ZFAT: variants seen among roughly 807,000 people sequenced by gnomAD.
ZFAT encodes the protein zinc finger protein ZFAT.
A neutral mutation model predicts 117.7 loss-of-function variants in ZFAT; 64 were observed. The ratio of observed to expected loss-of-function variants is 0.54; its 90% confidence interval spans 0.44 to 0.67. The LOEUF (loss-of-function observed/expected upper bound fraction) is 0.67. ZFAT is among the 30% of genes least tolerant of loss of function. ZFAT has a pLI of 0.00. For synonymous variants in ZFAT, 679 were observed against 615.0 expected, an observed-to-expected ratio of 1.10 and a Z score of -1.54; for missense variants, 1,433 against 1,584.5, an observed-to-expected ratio of 0.90 and a Z score of 1.62.
chr8:134,563,473 G>A (rs557974592), intron 11 of ZFAT, among the ~76,000 whole-genome samples: 2 of 152,310 alleles, frequency 1.3e-5, no homozygotes, highest in African/African-American at 4.8e-5. Context: ...AACTACAAGA[G>A]GGGGAACCAT....
chr8:134,644,036 A>G (rs1797271576), intron 2 of ZFAT, among the ~76,000 whole-genome samples: 1 of 152,212 alleles, frequency 6.6e-6, no homozygotes, highest in Admixed American at 6.5e-5. Flanking sequence ...TCCCCTGGGA[A>G]GCCTCCTTTT....
At chr8:134,610,046 GA>G (rs1828204330) in intron 4 of ZFAT, among the ~76,000 whole-genome samples, 1 of 152,230 alleles carries the variant, frequency 6.6e-6, no homozygotes, top group Admixed American at 6.5e-5. Flanking sequence ...ATGGTGGGCA[GA>G]GTTAGCATGG....
At chr8:134,817,373 ATCTC>A in the ZFAT span, among the ~76,000 whole-genome samples, 10 of 129,620 alleles carry the variant, frequency 7.7e-5, no homozygotes, top group East Asian at 2.1e-4. Context: ...CTTAAAATCA[ATCTC>A]TCTGTCTCTC....
chr8:134,539,292 A>G (rs940935589), intron 11 of ZFAT, among the ~76,000 whole-genome samples: 12 of 152,216 alleles, frequency 7.9e-5, no homozygotes, highest in Non-Finnish European at 1.8e-4. Flanking sequence ...GCTTTTTGGC[A>G]AAAAGAGGAG....
rs780619281 is a variant in ZFAT, at chr8:134,478,688, C to T, written c.3526G>A (p.Val1176Ile). 1.9e-6 allele frequency: 3 copies of T among 1,578,022 alleles called. No homozygotes were observed. The African/African-American group carries it at 4.1e-5, about 21-fold the overall frequency. Reference sequence around the variant, plus strand: ...TGCTGGACCGTCTCCTGGATCATGACCGTGTGGTTGGAGCTGGGCTCCTCC... The same window carrying T: ...TGCTGGACCGTCTCCTGGATCATGATCGTGTGGTTGGAGCTGGGCTCCTCC... Reference protein sequence around the residue: ...TEEEPSSNHTVMIQETVQQAS... With the variant: ...TEEEPSSNHTIMIQETVQQAS... The change falls in exon 16 of 16, where the codon GTC becomes ATC. Residue 1176 changes from valine to isoleucine, a missense_variant. By Grantham distance (29) the Val-to-Ile change is conservative. Around this residue, in one of 5 missense-constraint regions of ZFAT, gnomAD observed 503 missense variants for 543.4 expected, o/e 0.93. Coordinates refer to ENST00000377838, the MANE Select transcript of ZFAT (RefSeq NM_020863.4). The surrounding 1 kb of genome is among the most constrained non-coding windows in gnomAD (Gnocchi z 5.2).
upstream of ZFAT, among the ~76,000 whole-genome samples, chr8:134,715,609 A>T (rs1020812035): frequency 6.6e-6 from 1 of 152,232 alleles, no homozygotes; most frequent in Non-Finnish European, 1.5e-5. Context: ...ATTAATGAAG[A>T]CACATTTGTG....
chr8:134,815,419 C>T, the ZFAT span, among the ~76,000 whole-genome samples: 1 of 152,146 alleles, frequency 6.6e-6, no homozygotes, highest in Non-Finnish European at 1.5e-5. Context: ...AACTAGAAAT[C>T]CAAGTTGCTA....
chr8:134,611,792 G>A (rs1828347799), intron 3 of ZFAT, among the ~76,000 whole-genome samples: 1 of 152,234 alleles, frequency 6.6e-6, no homozygotes, highest in Non-Finnish European at 1.5e-5. Flanking sequence ...GCCATGGAGA[G>A]CCACAGGTGT....
At chr8:134,591,166 T>C (rs1826477310) in intron 7 of ZFAT, among the ~76,000 whole-genome samples, 1 of 152,214 alleles carries the variant, frequency 6.6e-6, no homozygotes. Flanking sequence ...AGTGATTTTA[T>C]TGAGACTCAC....
At chr8:134,810,764 A>C in the ZFAT span, among the ~76,000 whole-genome samples, 1 of 152,260 alleles carries the variant, frequency 6.6e-6, no homozygotes, top group East Asian at 1.9e-4. Context: ...AAACATTTGA[A>C]AACAGTAATG....
chr8:134,786,344 C>T, the ZFAT span, among the ~76,000 whole-genome samples: 1 of 152,180 alleles, frequency 6.6e-6, no homozygotes. Context: ...AGGAACATCT[C>T]TAAAGTTGTA....
At chr8:134,801,527 T>C in the ZFAT span, among the ~76,000 whole-genome samples, 9 of 152,148 alleles carry the variant, frequency 5.9e-5, no homozygotes. Flanking sequence ...TAGTCTCTTG[T>C]CCCTTCGGGC....
chr8:134,589,782 G>C (rs745703957), intron 8 of ZFAT, among the ~76,000 whole-genome samples: 1 of 152,246 alleles, frequency 6.6e-6, no homozygotes, highest in Non-Finnish European at 1.5e-5. Context: ...AAATGTTCCA[G>C]GTGGCACGAA....
At chr8:134,650,889 C>T (rs1831195991) in intron 2 of ZFAT, among the ~76,000 whole-genome samples, 1 of 152,226 alleles carries the variant, frequency 6.6e-6, no homozygotes, top group Non-Finnish European at 1.5e-5. Context: ...TACCTCACAT[C>T]ATATGCAAAA....
intron 1 of ZFAT, among the ~76,000 whole-genome samples, chr8:134,680,261 CAAAAAAAA>C (rs35292754): frequency 4.1e-5 from 2 of 48,920 alleles, no homozygotes; most frequent in Middle Eastern, 0.012. Flanking sequence ...GACTCCCCCT[CAAAAAAAA>C]AAAAAAAAAA....
At chr8:134,620,416 G>A (rs1448832462) in intron 3 of ZFAT, among the ~76,000 whole-genome samples, 2 of 152,160 alleles carry the variant, frequency 1.3e-5, no homozygotes, top group Admixed American at 6.5e-5. Context: ...GTTGGCTCCC[G>A]GGTGCAACAG....
chr8:134,650,268 G>C (rs541180202), intron 2 of ZFAT, among the ~76,000 whole-genome samples: 1 of 151,570 alleles, frequency 6.6e-6, no homozygotes, highest in Non-Finnish European at 1.5e-5. Flanking sequence ...TGGGACTACA[G>C]GCCCACGTGC....
At chr8:134,528,817 G>A (rs563807590) in intron 12 of ZFAT, among the ~76,000 whole-genome samples, 1 of 152,160 alleles carries the variant, frequency 6.6e-6, no homozygotes, top group African/African-American at 2.4e-5. Context: ...GCCCTGGTCC[G>A]CAACCTGGGC....
intron 4 of ZFAT, 142 bp downstream of exon 4, chr8:134,610,328 C>A: frequency 1.1e-6 from 1 of 928,286 alleles, no homozygotes. Context: ...TAAGTCTCAT[C>A]CTCTCAAATT....
Sources: gnomAD v4.1 joint callset for allele counts (sites outside exome capture counted in the v4.1 genomes callset) on GRCh38, gnomAD v4.1.1 for gene constraint, gnomAD v4.1.1 regional missense constraint, Gnocchi (gnomAD v3.1) non-coding constraint, MANE v1.5 for transcripts, NCBI Gene and HGNC (gene_info 2026-07-23, HGNC 2026-07-21) for gene names.